Variants in XRCC1 observed in about 807,000 individuals in gnomAD.
The protein encoded by XRCC1 is DNA repair protein XRCC1.
XRCC1 carries 52 observed loss-of-function variants against 83.3 expected under a neutral mutation model. The observed-to-expected ratio is 0.62, with a 90% CI of 0.50 to 0.79. The LOEUF is 0.79. Ranked by LOEUF, XRCC1 falls within the 30% of genes least tolerant of loss-of-function variation. The pLI, the probability that XRCC1 is intolerant of heterozygous loss-of-function variation, is 0.00. For synonymous variants in XRCC1, 281 were observed against 312.6 expected (o/e 0.90, Z 1.07); for missense variants, 793 against 823.5 (o/e 0.96, Z 0.45).
chr19:43,564,617 C>T (rs940127776), intron 2 of XRCC1, among the ~76,000 whole-genome samples: 1 of 151,886 alleles, frequency 6.6e-6, no homozygotes, highest in African/African-American at 2.4e-5. Flanking sequence ...GCAGAAACTC[C>T]GTCTCTACTA....
intron 3 of XRCC1, among the ~76,000 whole-genome samples, chr19:43,557,792 CAAAA>C (rs35267441): frequency 0.026 from 1,050 of 40,870 alleles, 3 homozygotes; most frequent in Middle Eastern, 0.074. Context: ...AATTCCATCT[CAAAA>C]AAAAAAAAAA....
intron 2 of XRCC1, 64 bp downstream of exon 2, chr19:43,574,846 G>A: frequency 7.2e-7 from 1 of 1,381,278 alleles, no homozygotes; most frequent in Middle Eastern, 1.9e-4. Flanking sequence ...GTTGGCTCAG[G>A]AGCAGAATCT....
chr19:43,553,659 C>G lies in XRCC1; in HGVS notation c.439G>C (p.Val147Leu). 1.3e-6 allele frequency: 2 copies of G among 1,524,432 alleles called. No individual in the cohort carries two copies. Among genetic ancestry groups the G allele is most frequent in the Non-Finnish European group, 1.8e-6 (2 of 1,131,280 alleles). 94.4% of individuals were successfully genotyped at this position (1,524,432 alleles called of 1,614,324 possible). ...SKDSPFGLSF[V>L]RFHSPPDKDE... is the part of the protein sequence containing the mutation. ...TTGTCTGGGGGGCTATGAAACCGTA[C>G]AAAACTCAAGCCAAAGGGGGAGTCC... Residue 147 changes from valine to leucine, a missense_variant, in exon 5 of 17, where the codon GTA becomes CTA. Coordinates refer to ENST00000262887, the MANE Select transcript of XRCC1 (RefSeq NM_006297.3).
chr19:43,551,886 G>C, intron 9 of XRCC1, 131 bp downstream of exon 9: 1 of 1,170,962 alleles, frequency 8.5e-7, no homozygotes, highest in South Asian at 1.4e-5. Flanking sequence ...ACAGAATGCA[G>C]TGAGAAAGAA....
intron 3 of XRCC1, 40 bp from the exon 4 acceptor site, chr19:43,554,844 G>C: frequency 1.9e-6 from 3 of 1,589,806 alleles, no homozygotes; most frequent in Non-Finnish European, 2.6e-6. Flanking sequence ...ACCAGGGCAG[G>C]TTGGCTTAGA....
chr19:43,545,801 A>T lies in XRCC1; in HGVS notation c.1621+17T>A. 1 of 1,612,952 alleles carries T rather than the reference A, an allele frequency of 6.2e-7. No individual in the cohort carries two copies. The highest frequency in any genetic ancestry group is 1.1e-5 in the South Asian group (1 of 90,996). On this transcript the variant is annotated intron_variant, in intron 14 of 16. Coordinates refer to ENST00000262887, the MANE Select transcript of XRCC1 (RefSeq NM_006297.3). ...AAGAGAAAATGCCACTTCAGGAGGG[A>T]TGGGGGGATTTCCCACCTGGGAGCT...
chr19:43,573,472 G>A (rs1396512545), intron 2 of XRCC1, among the ~76,000 whole-genome samples: 1 of 152,172 alleles, frequency 6.6e-6, no homozygotes, highest in Non-Finnish European at 1.5e-5. Context: ...CCCCTCCAGT[G>A]GGAGGGAGAG....
chr19:43,565,880 AGT>A (rs3213296), intron 2 of XRCC1, among the ~76,000 whole-genome samples: 11,027 of 152,222 alleles, frequency 0.072, 596 homozygotes, highest in East Asian at 0.29. Context: ...TGGAGGTTGC[AGT>A]GAGTTGAGAC....
intron 14 of XRCC1, among the ~76,000 whole-genome samples, chr19:43,545,488 C>A (rs187602911): frequency 1.2e-4 from 18 of 152,262 alleles, no homozygotes; most frequent in Non-Finnish European, 2.5e-4. Context: ...ACCAACAGAA[C>A]GGCACCTGAG....
In XRCC1 at chr19:43,543,341, CGTGTGTGTGTGTGT is replaced by C. The variant is rs45592142; in HGVS notation, c.*37_*50del. 64,230 of 1,044,196 alleles carry C rather than the reference CGTGTGTGTGTGTGT, an allele frequency of 0.062. 1,028 individuals carry two copies. The highest frequency in any genetic ancestry group is 0.16 in the Middle Eastern group (661 of 4,188). The allele number at this position is 1,044,196 out of a possible 1,614,324, so 64.7% of individuals were successfully genotyped here. On this transcript the variant is annotated 3_prime_UTR_variant, in exon 17 of 17. Coordinates refer to ENST00000262887, the MANE Select transcript of XRCC1 (RefSeq NM_006297.3). The stretch of plus-strand genomic sequence containing the variant: ...ACCAACTCATCTTTATTAAATGCAT[CGTGTGTGTGTGTGT>C]GTGTGTGTGTGTGTGTGTGTGTGTA...
chr19:43,561,104 T>G (rs1972694723), intron 2 of XRCC1, 84 bp from the exon 3 acceptor site: 3 of 1,082,054 alleles, frequency 2.8e-6, no homozygotes, highest in Admixed American at 1.7e-5. Context: ...CTCCTTTGGA[T>G]CACCATGTCC....
chr19:43,546,857 T>TC, intron 11 of XRCC1, 27 bp downstream of exon 11: 1 of 1,611,872 alleles, frequency 6.2e-7, no homozygotes, highest in Admixed American at 1.7e-5. Context: ...CACTACACCC[T>TC]CCCCCACTGG....
intron 10 of XRCC1, 94 bp from the exon 11 acceptor site, chr19:43,547,071 A>C: frequency 7.6e-6 from 9 of 1,180,710 alleles, no homozygotes; most frequent in African/African-American, 1.5e-5. Context: ...TAAAATACTC[A>C]CTCTAGTGGG....
chr19:43,570,483 T>C (rs1972796743), intron 2 of XRCC1, among the ~76,000 whole-genome samples: 1 of 152,116 alleles, frequency 6.6e-6, no homozygotes, highest in South Asian at 2.1e-4. Flanking sequence ...TGCAGGGTAG[T>C]AGAAGAACCC....
intron 3 of XRCC1, among the ~76,000 whole-genome samples, chr19:43,557,500 A>C (rs1268857460): frequency 6.6e-6 from 1 of 152,126 alleles, no homozygotes. Context: ...GGAAACAAGA[A>C]AGACAATTAT....
At position 43,547,005 on chromosome 19, in the gene XRCC1, A is replaced by G. The variant is rs373674091; in HGVS notation, c.1200-28T>C. The stretch of plus-strand genomic sequence containing the variant: ...AGGGGACAAATCGGGCCTCAGACAA[A>G]CAGGCCCAAGGGAAGTGGGGAGGGC... On this transcript the variant is annotated intron_variant, in intron 10 of 16. Coordinates refer to ENST00000262887, the MANE Select transcript of XRCC1 (RefSeq NM_006297.3). The G allele has an allele frequency of 1.9e-6, 3 of 1,608,632 alleles. No individual in the cohort carries two copies. The African/African-American group carries it at 4.0e-5, about 22-fold the overall frequency.
rs149658904 is a variant in XRCC1 at position 43,547,325 on chromosome 19, A to G, written c.1200-348T>C. On this transcript the variant is annotated intron_variant, in intron 10 of 16. Coordinates refer to ENST00000262887, the MANE Select transcript of XRCC1 (RefSeq NM_006297.3). ...CTCAGCCTCCCTAGTAGCTGGGATT[A>G]CAGGTGCACACCACCATGCCCCGCC... 6.2e-3 allele frequency among the ~76,000 whole-genome samples: 943 copies of G among 151,794 alleles called. 13 individuals carry two copies. Among genetic ancestry groups the G allele is most frequent in the African/African-American group, 0.022 (897 of 41,372 alleles).
At chr19:43,551,893 A>G in intron 9 of XRCC1, 124 bp downstream of exon 9, 2 of 1,220,520 alleles carry the variant, frequency 1.6e-6, no homozygotes, top group Non-Finnish European at 1.2e-6. Context: ...GCAGTGAGAA[A>G]GAAAGCAAGT....
chr19:43,555,028 C>A, intron 3 of XRCC1: 1 of 388,898 alleles, frequency 2.6e-6, no homozygotes, highest in Non-Finnish European at 4.6e-6. Flanking sequence ...TGTGAGCGAC[C>A]CTTATCTAAA....
Sources: gnomAD v4.1 joint callset for allele counts (sites outside exome capture counted in the v4.1 genomes callset) on GRCh38, gnomAD v4.1.1 for gene constraint, MANE v1.5 for transcripts, NCBI Gene and HGNC (gene_info 2026-07-23, HGNC 2026-07-21) for gene names.